Variants in EFR3A observed in about 807,000 individuals in gnomAD.
The protein encoded by EFR3A is protein EFR3 homolog A.
Under a neutral mutation model 104.4 loss-of-function variants are expected in EFR3A, and 76 were observed. The observed-to-expected ratio is 0.73, with a 90% confidence interval of 0.60 to 0.88. The LOEUF (loss-of-function observed/expected upper bound fraction) is 0.88, where lower values mean the gene tolerates loss of function less well. EFR3A is among the 40% of genes least tolerant of loss of function. The probability of loss-of-function intolerance (pLI) is 0.00; values close to 1 mark genes in which losing one functional copy is unlikely to be tolerated. For synonymous variants in EFR3A, 330 were observed against 330.0 expected (o/e 1.00, Z 0.00); for missense variants, 985 against 1,012.5 (o/e 0.97, Z 0.37).
intron 18 of EFR3A, 35 bp from the exon 19 acceptor site, chr8:131,996,371 T>C (rs1445535824): frequency 1.6e-6 from 2 of 1,288,534 alleles, no homozygotes; most frequent in African/African-American, 1.5e-5. Flanking sequence ...ATAACATTTC[T>C]AGCAAATAAT....
intron 9 of EFR3A, 46 bp downstream of exon 9, chr8:131,968,476 A>C (rs1023755704): frequency 6.3e-7 from 1 of 1,594,728 alleles, no homozygotes; most frequent in African/African-American, 1.3e-5. Flanking sequence ...ATCTGGTTCA[A>C]AGTGTCCTTT....
intron 22 of EFR3A, among the ~76,000 whole-genome samples, chr8:132,004,781 C>T (rs758913584): frequency 2.0e-5 from 3 of 152,066 alleles, no homozygotes; most frequent in Non-Finnish European, 2.9e-5. Flanking sequence ...GGTGAAGACA[C>T]CAAGGCTTAG....
chr8:131,957,203 A>T (rs2130635379), intron 7 of EFR3A, among the ~76,000 whole-genome samples: 1 of 152,330 alleles, frequency 6.6e-6, no homozygotes, highest in East Asian at 1.9e-4. Context: ...ATATTTGGGG[A>T]ATATATGCAT....
chr8:131,914,521 C>A (rs1816660273), intron 1 of EFR3A, among the ~76,000 whole-genome samples: 1 of 152,096 alleles, frequency 6.6e-6, no homozygotes, highest in Non-Finnish European at 1.5e-5. Flanking sequence ...GCTTTTAGAG[C>A]CGAGTTTTCA....
At chr8:131,981,505 A>T (rs1004989715) in intron 14 of EFR3A, among the ~76,000 whole-genome samples, 10 of 151,924 alleles carry the variant, frequency 6.6e-5, no homozygotes, top group African/African-American at 2.4e-4. Context: ...TTTTATTTTT[A>T]TAATTTGACA....
chr8:131,968,986 G>C (rs1242681518), intron 9 of EFR3A, among the ~76,000 whole-genome samples: 1 of 152,124 alleles, frequency 6.6e-6, no homozygotes, highest in African/African-American at 2.4e-5. Flanking sequence ...TAATCTTCAT[G>C]AGAAATGTGC....
intron 18 of EFR3A, among the ~76,000 whole-genome samples, chr8:131,995,399 G>T (rs1271300631): frequency 1.3e-5 from 2 of 152,038 alleles, no homozygotes; most frequent in Admixed American, 1.3e-4. Flanking sequence ...TATTTTTCCT[G>T]TTAAACTGTA....
At position 131,984,236 on chromosome 8, in the gene EFR3A, T is replaced by C. The variant is rs375376932; in HGVS notation, c.1673T>C (p.Ile558Thr). Residue 558 changes from isoleucine (I) to threonine (T), a missense_variant, in exon 15 of 23, where the codon ATA becomes ACA. Transcript: ENST00000254624. ...CTACTTTATACTTCTCTTGCTCTTA[T>C]AACTATTGAACTGGCTAATGAAGAA... ...YELLYTSLAL[I>T]TIELANEEVV... 25 of 1,611,444 alleles carry C rather than the reference T, an allele frequency of 1.6e-5. No individual in the cohort carries two copies. The highest frequency in any genetic ancestry group is 3.3e-4 in the Middle Eastern group (2 of 6,042).
rs138543964 is a variant in EFR3A at position 131,949,720 on chromosome 8, G to A, written c.367-249G>A. Among the ~76,000 whole-genome samples the A allele has an allele frequency of 4.9e-3, 750 of 151,902 alleles. 9 individuals carry two copies. Among genetic ancestry groups the A allele is most frequent in the African/African-American group, 0.016 (673 of 41,426 alleles). On this transcript the variant is annotated intron_variant, in intron 4 of 22. Coordinates refer to ENST00000254624, the MANE Select transcript of EFR3A (RefSeq NM_015137.6). ...TCCTGACGCCTTGGGAAGCTGAGGCGGGAGGATCACTTGAGCCTAGGAATT... is the reference window on the plus strand; with the variant it reads ...TCCTGACGCCTTGGGAAGCTGAGGCAGGAGGATCACTTGAGCCTAGGAATT...
rs79474836 is a variant in EFR3A, at chr8:131,942,102, A to G, written c.87+1527A>G. Among the ~76,000 whole-genome samples the G allele has an allele frequency of 9.8e-3, 1,487 of 152,228 alleles. 51 individuals are homozygous for G. In the East Asian group the frequency reaches 0.12, roughly 12 times the overall value. ...GTGAATGACAAGGAAGGCCTCTACT[A>G]TAGTCACTTTAACTTGTAGTCAGTG... On this transcript the variant is annotated intron_variant, in intron 2 of 22. Transcript: ENST00000254624.
At chr8:131,957,656 A>G (rs910554232) in intron 7 of EFR3A, among the ~76,000 whole-genome samples, 2 of 152,176 alleles carry the variant, frequency 1.3e-5, no homozygotes, top group Admixed American at 6.6e-5. Flanking sequence ...TGCCAGGGCC[A>G]GTATCTTTTA....
chr8:131,967,703 G>C (rs184920477), intron 8 of EFR3A, among the ~76,000 whole-genome samples: 44 of 151,436 alleles, frequency 2.9e-4, no homozygotes, highest in Admixed American at 7.9e-4. Flanking sequence ...AGTTGCCTTT[G>C]TTAATTGCAC....
intron 12 of EFR3A, among the ~76,000 whole-genome samples, chr8:131,978,521 G>A (rs1268656275): frequency 6.6e-6 from 1 of 152,104 alleles, no homozygotes; most frequent in Admixed American, 6.6e-5. Flanking sequence ...ACCTCTCTGT[G>A]CCTCAGTTTC....
chr8:131,990,965 G>A (rs1193877298), intron 18 of EFR3A, among the ~76,000 whole-genome samples: 3 of 152,030 alleles, frequency 2.0e-5, no homozygotes, highest in Admixed American at 6.6e-5. Context: ...TTGTTTTTCT[G>A]GGAGGGATGA....
At chr8:131,942,329 TAAAAC>T (rs906487302) in intron 2 of EFR3A, among the ~76,000 whole-genome samples, 3 of 152,122 alleles carry the variant, frequency 2.0e-5, no homozygotes, top group Non-Finnish European at 4.4e-5. Flanking sequence ...TTTAACTTGT[TAAAAC>T]AAACAAATCT....
chr8:131,961,402 T>G (rs1819319748), intron 8 of EFR3A, among the ~76,000 whole-genome samples: 1 of 152,202 alleles, frequency 6.6e-6, no homozygotes, highest in South Asian at 2.1e-4. Context: ...GCACGAGAAC[T>G]ACTTGACGAA....
At chr8:131,956,521 A>T (rs929511828) in intron 7 of EFR3A, among the ~76,000 whole-genome samples, 11 of 152,200 alleles carry the variant, frequency 7.2e-5, no homozygotes, top group Non-Finnish European at 1.5e-4. Context: ...GATCTACTAT[A>T]TAATATTCTG....
intron 18 of EFR3A, among the ~76,000 whole-genome samples, chr8:131,991,582 TAGG>T (rs1821185338): frequency 6.6e-6 from 1 of 152,020 alleles, no homozygotes; most frequent in South Asian, 2.1e-4. Context: ...GTGTGAGGGT[TAGG>T]AGGTTATAAT....
chr8:131,962,112 A>T (rs1020738111), intron 8 of EFR3A, among the ~76,000 whole-genome samples: 16 of 152,234 alleles, frequency 1.1e-4, no homozygotes, highest in Non-Finnish European at 1.5e-4. Context: ...AACATGCCAA[A>T]TTGTAAAGAC....
Sources: gnomAD v4.1 joint callset for allele counts (sites outside exome capture counted in the v4.1 genomes callset) on GRCh38, gnomAD v4.1.1 for gene constraint, MANE v1.5 for transcripts, NCBI Gene and HGNC (gene_info 2026-07-23, HGNC 2026-07-21) for gene names.